The following NPHP1 variants were observed in gnomAD, a reference collection of about 807,000 sequenced individuals.
NPHP1 encodes nephrocystin 1.
In NPHP1, 70 loss-of-function variants were observed where a neutral mutation model predicts 90.4. That is an observed-to-expected ratio of 0.77 (90% CI 0.64 to 0.95). The LOEUF is 0.95. Ranked by LOEUF, NPHP1 falls within the 40% of genes least tolerant of loss-of-function variation. The pLI is 0.00. For missense variants in NPHP1, 764 were observed against 795.9 expected, an observed-to-expected ratio of 0.96 and a Z score of 0.48; for synonymous variants, 256 against 271.7, an observed-to-expected ratio of 0.94 and a Z score of 0.57.
chr2:110,130,839 C>G (rs1409121703), intron 17 of NPHP1, among the ~76,000 whole-genome samples: 1 of 152,110 alleles, frequency 6.6e-6, no homozygotes, highest in Non-Finnish European at 1.5e-5. Context: ...CTTTCCTTAC[C>G]CTACACATTA....
At chr2:110,167,983 T>C (rs1682834160) in intron 6 of NPHP1, among the ~76,000 whole-genome samples, 2 of 152,216 alleles carry the variant, frequency 1.3e-5, no homozygotes, top group Non-Finnish European at 2.9e-5. Context: ...GTTTGCATCA[T>C]AGTTCTACTG....
At chr2:110,201,315 T>C (rs1685562916) in intron 2 of NPHP1, 106 bp downstream of exon 2, 2 of 797,518 alleles carry the variant, frequency 2.5e-6, no homozygotes, top group Non-Finnish European at 4.3e-6. Context: ...CAACACTATG[T>C]GATTCTTCCA....
At chr2:110,165,249 C>CA in intron 6 of NPHP1, 94 bp from the exon 7 acceptor site, 1 of 951,604 alleles carries the variant, frequency 1.1e-6, no homozygotes, top group Admixed American at 1.9e-5. Flanking sequence ...CCAGTAAAAA[C>CA]AAAAACAAGC....
intron 2 of NPHP1, among the ~76,000 whole-genome samples, chr2:110,187,011 G>A (rs1057028351): frequency 6.6e-6 from 1 of 152,090 alleles, no homozygotes; most frequent in Non-Finnish European, 1.5e-5. Context: ...TCTCTGAAAT[G>A]CAGCTAAAGC....
intron 4 of NPHP1, among the ~76,000 whole-genome samples, chr2:110,174,214 C>A (rs1445903609): frequency 6.6e-6 from 1 of 151,882 alleles, no homozygotes; most frequent in Non-Finnish European, 1.5e-5. Context: ...AGTGTTACTC[C>A]ATTTACATTT....
In NPHP1 at chr2:110,148,034, G is replaced by A. The variant is rs748969566; in HGVS notation, c.1159-8C>T. ...TGGTAAGATGCGAGTAACCTGAAATGATAAAGAAATTAAAGTTATTGATAA... is the reference window on the plus strand; with the variant it reads ...TGGTAAGATGCGAGTAACCTGAAATAATAAAGAAATTAAAGTTATTGATAA... On this transcript the variant is annotated splice_region_variant and splice_polypyrimidine_tract_variant and intron_variant, in intron 12 of 19. Transcript: ENST00000445609. 1 of 1,544,772 alleles carries A rather than the reference G, an allele frequency of 6.5e-7. No individual in the cohort carries two copies. The highest frequency in any genetic ancestry group is 9.0e-7 in the Non-Finnish European group (1 of 1,116,744).
chr2:110,138,106 T>C (rs1398470873), intron 16 of NPHP1, among the ~76,000 whole-genome samples: 1 of 151,038 alleles, frequency 6.6e-6, no homozygotes, highest in East Asian at 2.0e-4. Context: ...TTCTCACTTA[T>C]AGGTGGGAAT....
At position 110,201,457 on chromosome 2, in the gene NPHP1, G is replaced by T. The variant is rs2104714924; in HGVS notation, c.107C>A (p.Ala36Asp). ...ATGTTGTCTTTTATTGGGTTCTAGAGCTTCTTTCAGTTGGCTCTCAGAAAG... is the reference window on the plus strand; with the variant it reads ...ATGTTGTCTTTTATTGGGTTCTAGATCTTCTTTCAGTTGGCTCTCAGAAAG... ...SLLSESQLKE[A>D]LEPNKRQHIY... Residue 36 changes from alanine to aspartate, a missense_variant, in exon 2 of 20, where the codon GCT becomes GAT. By Grantham distance (126) the Ala-to-Asp change is moderately radical. Coordinates refer to ENST00000445609, the MANE Select transcript of NPHP1 (RefSeq NM_001128178.3). 1 of 1,610,468 alleles carries T rather than the reference G, an allele frequency of 6.2e-7. No homozygotes were observed.
intron 2 of NPHP1, among the ~76,000 whole-genome samples, chr2:110,179,952 G>A (rs1490689081): frequency 2.0e-5 from 3 of 152,082 alleles, no homozygotes; most frequent in South Asian, 2.1e-4. Context: ...AAGGAAGAAC[G>A]CTGGACTTTA....
intron 2 of NPHP1, among the ~76,000 whole-genome samples, chr2:110,191,525 G>A (rs1684737793): frequency 6.6e-6 from 1 of 152,312 alleles, no homozygotes; most frequent in Admixed American, 6.5e-5. Context: ...CAAACTGGGT[G>A]GAGCCCACCG....
chr2:110,167,449 C>G (rs1451325545), intron 6 of NPHP1, among the ~76,000 whole-genome samples: 1 of 152,032 alleles, frequency 6.6e-6, no homozygotes, highest in Non-Finnish European at 1.5e-5. Flanking sequence ...TTCAGAAAAA[C>G]CCCTAAATGA....
chr2:110,162,976 G>C (rs1297800027), intron 9 of NPHP1, 72 bp downstream of exon 9: 25 of 993,818 alleles, frequency 2.5e-5, no homozygotes, highest in Non-Finnish European at 4.0e-5. Context: ...TGTTTTGCCT[G>C]TGACAGAAAA....
intron 12 of NPHP1, among the ~76,000 whole-genome samples, 153 bp downstream of exon 12, chr2:110,150,029 C>T (rs907187939): frequency 9.9e-5 from 15 of 152,142 alleles, no homozygotes; most frequent in African/African-American, 3.1e-4. Context: ...ATTGGTGAGT[C>T]AGAAACATGA....
intron 2 of NPHP1, among the ~76,000 whole-genome samples, chr2:110,194,069 T>C (rs1684955459): frequency 6.6e-6 from 1 of 151,808 alleles, no homozygotes; most frequent in Admixed American, 6.6e-5. Flanking sequence ...AGAAATAAAA[T>C]TGACACCCTA....
intron 16 of NPHP1, among the ~76,000 whole-genome samples, chr2:110,139,037 T>C (rs1049217512): frequency 6.6e-6 from 1 of 152,108 alleles, no homozygotes; most frequent in Non-Finnish European, 1.5e-5. Context: ...TCCTCCTGAA[T>C]TCACATGTAG....
At chr2:110,144,113 A>G (rs1218545867) in intron 15 of NPHP1, 1 of 320,452 alleles carries the variant, frequency 3.1e-6, no homozygotes, top group Non-Finnish European at 5.9e-6. Flanking sequence ...TGCCTGGTTA[A>G]TGAACATAGT....
At chr2:110,126,760 G>C (rs1679400442) in intron 18 of NPHP1, 1 of 152,560 alleles carries the variant, frequency 6.6e-6, no homozygotes, top group Non-Finnish European at 1.5e-5. Flanking sequence ...AAGTAATTGT[G>C]GTTTTTGCTA....
intron 1 of NPHP1, 44 bp from the exon 2 acceptor site, chr2:110,201,538 GC>G: frequency 7.4e-7 from 1 of 1,351,714 alleles, no homozygotes; most frequent in Non-Finnish European, 1.0e-6. Context: ...ATACCATATC[GC>G]CTTAGGAAAG....
chr2:110,164,729 T>A lies in NPHP1; in HGVS notation c.730A>T (p.Thr244Ser). The change falls in exon 8 of 20, where the codon ACT becomes TCT. Residue 244 changes from threonine to serine, a missense_variant and splice_region_variant. Physicochemically the swap from Thr to Ser is moderately conservative, Grantham distance 58. Transcript: ENST00000445609. ...TGAACAGCACTCCAGTGGGGATCAG[T>A]TCTGGGGAGACAAAATAGCAAAGTG... ...TADGAEVKQR[T>S]DPHWSAVQKA... 1.2e-6 allele frequency: 2 copies of A among 1,613,568 alleles called. No homozygotes were observed.
Sources: allele counts gnomAD v4.1 joint callset (sites outside exome capture counted in the v4.1 genomes callset), GRCh38; gene constraint gnomAD v4.1.1; transcripts MANE v1.5; gene names NCBI Gene and HGNC (gene_info 2026-07-23, HGNC 2026-07-21).